LRRC58: variants seen among roughly 807,000 people sequenced by gnomAD.
The protein encoded by LRRC58 is leucine-rich repeat-containing protein 58.
In LRRC58, 18 loss-of-function variants were observed where a neutral mutation model predicts 30.6. The ratio of observed to expected loss-of-function variants is 0.59; its 90% CI spans 0.41 to 0.87. The LOEUF (loss-of-function observed/expected upper bound fraction) is 0.87. Ranked by LOEUF, LRRC58 falls within the 40% of genes least tolerant of loss-of-function variation. LRRC58 has a pLI of 0.00. For missense variants in LRRC58, 420 were observed against 468.4 expected, an observed-to-expected ratio of 0.90 and a Z score of 0.95; for synonymous variants, 221 against 206.0, an observed-to-expected ratio of 1.07 and a Z score of -0.62.
At chr3:120,341,965 C>T (rs568768454) in intron 1 of LRRC58, among the ~76,000 whole-genome samples, 3 of 152,112 alleles carry the variant, frequency 2.0e-5, no homozygotes, top group African/African-American at 4.8e-5. Flanking sequence ...CAGCTGCAGC[C>T]GTCCTCCCAG....
chr3:120,326,079 G>C lies in LRRC58; in HGVS notation c.*5121C>G, dbSNP rs1935669221. ...TCCAAACTTTGGGTCTAGAGTAGAG[G>C]ATTTAAGGCACATACTTCCTGACCA... On this transcript the variant is annotated 3_prime_UTR_variant, in exon 4 of 4. Transcript: ENST00000295628. The C allele has an allele frequency of 6.6e-6, 1 of 152,084 alleles. No individual in the cohort carries two copies. Among genetic ancestry groups the C allele is most frequent in the Non-Finnish European group, 1.5e-5 (1 of 68,006 alleles). The allele number at this position is 152,084 out of a possible 1,614,324, so 9.4% of individuals were successfully genotyped here.
chr3:120,344,286 G>T (rs1392945649), intron 1 of LRRC58, among the ~76,000 whole-genome samples: 1 of 152,098 alleles, frequency 6.6e-6, no homozygotes, highest in Non-Finnish European at 1.5e-5. Flanking sequence ...TACACCACAG[G>T]ATTATAAGGT....
At position 120,348,769 on chromosome 3, in the gene LRRC58, G is replaced by A. The variant is rs768622643; in HGVS notation, c.475C>T (p.Pro159Ser). 6.2e-7 allele frequency: 1 copy of A among 1,600,030 alleles called. No homozygotes were observed. Among genetic ancestry groups the A allele is most frequent in the South Asian group, 1.1e-5 (1 of 88,880 alleles). The change falls in exon 1 of 4, where the codon CCG becomes TCG. Residue 159 changes from proline to serine, a missense_variant. Pro to Ser is a moderately conservative substitution (Grantham distance 74). Around this residue, in one of 2 missense-constraint regions of LRRC58, gnomAD observed 266 missense variants for 251.7 expected, o/e 1.06. Transcript: ENST00000295628. ...SLGGNQLQSI[P>S]AEIENLQSLE... ...CTCTGCAAGTTCTCGATCTCAGCCG[G>A]GATGCTCTGCAGTTGGTTGCCGCCC...
chr3:120,336,832 ATATT>A (rs1007919587), intron 1 of LRRC58, among the ~76,000 whole-genome samples: 22 of 147,068 alleles, frequency 1.5e-4, no homozygotes, highest in Admixed American at 3.4e-4. Flanking sequence ...CTTACTATAT[ATATT>A]TATTTATTTA....
At position 120,327,331 on chromosome 3, in the gene LRRC58, A is replaced by G. The variant is rs937610259; in HGVS notation, c.*3869T>C. 6.4e-5 allele frequency: 9 copies of G among 141,644 alleles called. No homozygotes were observed. The highest frequency in any genetic ancestry group is 2.2e-4 in the African/African-American group (8 of 36,692). 8.8% of individuals were successfully genotyped at this position (141,644 alleles called of 1,614,324 possible). On this transcript the variant is annotated 3_prime_UTR_variant, in exon 4 of 4. Coordinates refer to ENST00000295628, the MANE Select transcript of LRRC58 (RefSeq NM_001099678.2). ...CAGTGGCGCAATCTCGGCTCACTGCAAGCTCCGCCTCCCGGGTTCACGCCA... is the reference window on the plus strand; with the variant it reads ...CAGTGGCGCAATCTCGGCTCACTGCGAGCTCCGCCTCCCGGGTTCACGCCA...
At chr3:120,338,538 T>C (rs1395110571) in intron 1 of LRRC58, among the ~76,000 whole-genome samples, 2 of 152,160 alleles carry the variant, frequency 1.3e-5, no homozygotes, top group African/African-American at 4.8e-5. Flanking sequence ...AATCAGATAG[T>C]GATGGAAGTT....
At position 120,335,930 on chromosome 3, in the gene LRRC58, C is replaced by T; in HGVS notation, c.524G>A (p.Gly175Glu). 1 of 1,591,204 alleles carries T rather than the reference C, an allele frequency of 6.3e-7. No individual in the cohort carries two copies. The highest frequency in any genetic ancestry group is 8.6e-7 in the Non-Finnish European group (1 of 1,160,550). The change falls in exon 2 of 4, where the codon GGA becomes GAA. Residue 175 changes from glycine (G) to glutamate (E), a missense_variant. Physicochemically the swap from Gly to Glu is moderately conservative, Grantham distance 98. Around this residue, in one of 2 missense-constraint regions of LRRC58, gnomAD observed 266 missense variants for 251.7 expected, o/e 1.06. Coordinates refer to ENST00000295628, the MANE Select transcript of LRRC58 (RefSeq NM_001099678.2). ...LQSLECLYLGGNFIKEIPPEL... is the reference protein window; with the variant it reads ...LQSLECLYLGENFIKEIPPEL... ...TGGTGGGATTTCTTTAATGAAATTT[C>T]CTCCAAGATATAAACACTCTAAACT...
chr3:120,340,933 T>TA (rs763726045), intron 1 of LRRC58, among the ~76,000 whole-genome samples: 59 of 152,098 alleles, frequency 3.9e-4, no homozygotes, highest in Non-Finnish European at 4.3e-4. Flanking sequence ...ATGACACTTT[T>TA]AAAAAAACGT....
At chr3:120,332,976 C>G (rs570976746) in intron 3 of LRRC58, among the ~76,000 whole-genome samples, 10 of 151,922 alleles carry the variant, frequency 6.6e-5, no homozygotes, top group Non-Finnish European at 1.3e-4. Context: ...TCTCAAACTC[C>G]TGGGCTTAAG....
chr3:120,325,022 A>C lies in LRRC58; in HGVS notation c.*6178T>G, dbSNP rs932655263. ...CTTTGACATCCCAAACTTTACAAAA[A>C]CTTACAATGCTGCTTATCTAAAACT... On this transcript the variant is annotated 3_prime_UTR_variant, in exon 4 of 4. Coordinates refer to ENST00000295628, the MANE Select transcript of LRRC58 (RefSeq NM_001099678.2). The C allele has an allele frequency of 2.0e-5, 3 of 152,214 alleles. No individual in the cohort carries two copies. The highest frequency in any genetic ancestry group is 7.2e-5 in the African/African-American group (3 of 41,460). The allele number at this position is 152,214 out of a possible 1,614,324, so 9.4% of individuals were successfully genotyped here.
Position 120,328,658 on chromosome 3 carries a change from G to T in LRRC58, c.*2542C>A, listed in dbSNP as rs184297175. On this transcript the variant is annotated 3_prime_UTR_variant, in exon 4 of 4. Transcript: ENST00000295628. The stretch of plus-strand genomic sequence containing the variant: ...ACATGACTTGGGAGCTGATTATCTG[G>T]TTTCTAGATTATGAAGTCCCTTGTA... 1 of 152,284 alleles carries T rather than the reference G, an allele frequency of 6.6e-6. No individual in the cohort carries two copies. The highest frequency in any genetic ancestry group is 1.9e-4 in the East Asian group (1 of 5,184). The allele number at this position is 152,284 out of a possible 1,614,324, so 9.4% of individuals were successfully genotyped here.
At position 120,349,139 on chromosome 3, in the gene LRRC58, C is replaced by T. The variant is rs369736137; in HGVS notation, c.105G>A (p.Arg35=). Residue 35 remains arginine, a synonymous_variant, in exon 1 of 4, where the codon CGG becomes CGA. Transcript: ENST00000295628. ...CCCGCGCCCCGCGCCGCTCCTCCCC[C>T]CGCGCCTCCAGCTCAGACTCCAGCG... The part of the protein sequence containing the change: ...TETLESELEA[R]GEERRGAREA... The T allele has an allele frequency of 6.6e-6, 10 of 1,504,540 alleles. No homozygotes were observed. Among genetic ancestry groups the T allele is most frequent in the Non-Finnish European group, 7.9e-6 (9 of 1,135,166 alleles). The allele number at this position is 1,504,540 out of a possible 1,614,324, so 93.2% of individuals were successfully genotyped here. A position where few individuals can be genotyped will look rare whatever the true frequency, so the allele number is the denominator to read the frequency against.
At chr3:120,332,421 A>C (rs945788721) in intron 3 of LRRC58, among the ~76,000 whole-genome samples, 4 of 152,236 alleles carry the variant, frequency 2.6e-5, no homozygotes, top group African/African-American at 9.7e-5. Flanking sequence ...AAGTATAAAA[A>C]AGGCGAAATT....
At chr3:120,341,532 A>T (rs1483139566) in intron 1 of LRRC58, among the ~76,000 whole-genome samples, 5 of 152,144 alleles carry the variant, frequency 3.3e-5, no homozygotes, top group African/African-American at 1.2e-4. Flanking sequence ...CCCAAAATTC[A>T]TGTTGAAACC....
chr3:120,335,475 G>C (rs1935821340), intron 2 of LRRC58, among the ~76,000 whole-genome samples: 1 of 152,166 alleles, frequency 6.6e-6, no homozygotes. Flanking sequence ...GATTTCAAAT[G>C]CAACAGAAAT....
intron 1 of LRRC58, among the ~76,000 whole-genome samples, chr3:120,339,974 C>T (rs1383580131): frequency 1.3e-5 from 2 of 152,120 alleles, no homozygotes; most frequent in African/African-American, 2.4e-5. Context: ...AGCAATTCTA[C>T]CTCAGCCTCC....
intron 1 of LRRC58, among the ~76,000 whole-genome samples, chr3:120,338,103 A>G (rs544526131): frequency 3.3e-5 from 5 of 152,282 alleles, no homozygotes; most frequent in East Asian, 1.9e-4. Flanking sequence ...TCAGCCTCCC[A>G]AAGTGCTGGG....
At chr3:120,335,207 G>A (rs1935818278) in intron 2 of LRRC58, 68 bp from the exon 3 acceptor site, 1 of 1,342,146 alleles carries the variant, frequency 7.5e-7, no homozygotes, top group Non-Finnish European at 1.0e-6. Flanking sequence ...TTGAATATAT[G>A]TGTGTATACA....
chr3:120,335,993 G>C, intron 1 of LRRC58, 40 bp from the exon 2 acceptor site: 1 of 1,432,346 alleles, frequency 7.0e-7, no homozygotes, highest in Non-Finnish European at 9.6e-7. Flanking sequence ...AGTAAATAAA[G>C]TTGAAAAAGA....
Sources: gnomAD v4.1 joint callset for allele counts (sites outside exome capture counted in the v4.1 genomes callset) on GRCh38, gnomAD v4.1.1 for gene constraint, gnomAD v4.1.1 regional missense constraint, MANE v1.5 for transcripts, NCBI Gene and HGNC (gene_info 2026-07-23, HGNC 2026-07-21) for gene names.